The following DUSP16 variants were observed in gnomAD, a reference collection of about 807,000 sequenced individuals.
DUSP16 encodes dual specificity protein phosphatase 16.
A neutral mutation model predicts 58.3 loss-of-function variants in DUSP16; 21 were observed. The observed-to-expected ratio is 0.36, with a 90% CI of 0.26 to 0.52. DUSP16 has a LOEUF of 0.52. DUSP16 is among the 20% of genes least tolerant of loss of function. DUSP16 has a pLI of 0.94. For missense variants in DUSP16, 726 were observed against 819.0 expected (o/e 0.89, Z 1.39); for synonymous variants, 320 against 323.8 (o/e 0.99, Z 0.12).
In DUSP16 at chr12:12,473,568, T is replaced by C. The variant is rs1943356416; in HGVS notation, c.*3265A>G. ...GCCAAGATAGCTCTTCTAGTCTAGC[T>C]CACCCGGCCCAATCTTTCTTATAAA... On this transcript the variant is annotated 3_prime_UTR_variant, in exon 7 of 7. Transcript: ENST00000298573. 6.6e-6 allele frequency among the ~76,000 whole-genome samples: 1 copy of C among 152,206 alleles called. No homozygotes were observed. The highest frequency in any genetic ancestry group is 1.5e-5 in the Non-Finnish European group (1 of 68,042).
At chr12:12,544,446 A>G (rs1022481581) in intron 1 of DUSP16, among the ~76,000 whole-genome samples, 22 of 152,310 alleles carry the variant, frequency 1.4e-4, no homozygotes, top group Admixed American at 2.6e-4. Context: ...TTTGGTGAGC[A>G]TAAGTACACA....
At chr12:12,484,054 T>TGC (rs1943630250) in intron 5 of DUSP16, among the ~76,000 whole-genome samples, 2 of 152,130 alleles carry the variant, frequency 1.3e-5, no homozygotes, top group African/African-American at 4.8e-5. Context: ...AATTAGCTCT[T>TGC]GCCATTCTAC....
At chr12:12,520,843 T>C (rs1420605092) in intron 2 of DUSP16, 28 bp downstream of exon 2, 1 of 1,610,428 alleles carries the variant, frequency 6.2e-7, no homozygotes, top group Admixed American at 1.7e-5. Context: ...TCCATTTATT[T>C]TGAAAAGGCA....
chr12:12,547,245 A>G (rs1390693603), intron 1 of DUSP16, among the ~76,000 whole-genome samples: 2 of 152,052 alleles, frequency 1.3e-5, no homozygotes, highest in South Asian at 4.1e-4. Flanking sequence ...CCTGGCCAAC[A>G]TGGCAAAACC....
intron 4 of DUSP16, among the ~76,000 whole-genome samples, chr12:12,490,134 T>A (rs891115790): frequency 6.6e-6 from 1 of 152,218 alleles, no homozygotes; most frequent in Admixed American, 6.5e-5. Flanking sequence ...TCCAGGCTGC[T>A]CTCAAACTTA....
intron 1 of DUSP16, among the ~76,000 whole-genome samples, chr12:12,525,657 G>C (rs1309595947): frequency 1.3e-5 from 2 of 152,070 alleles, no homozygotes; most frequent in African/African-American, 4.8e-5. Flanking sequence ...AGGATCACTT[G>C]AGTCCAAGAG....
At chr12:12,494,121 T>C (rs1389651133) in intron 4 of DUSP16, among the ~76,000 whole-genome samples, 1 of 152,220 alleles carries the variant, frequency 6.6e-6, no homozygotes, top group East Asian at 1.9e-4. Flanking sequence ...GAAACCTTCA[T>C]ATATGTTCCT....
chr12:12,501,850 CATG>C (rs1269862621), intron 3 of DUSP16, among the ~76,000 whole-genome samples: 2 of 151,950 alleles, frequency 1.3e-5, no homozygotes, highest in Non-Finnish European at 2.9e-5. Context: ...ATTAGCCAGG[CATG>C]GTGGTGGGTG....
At chr12:12,504,698 AAAAAAAAAAAAAAAG>A (rs1943962093) in intron 3 of DUSP16, among the ~76,000 whole-genome samples, 2 of 130,792 alleles carry the variant, frequency 1.5e-5, no homozygotes, top group Admixed American at 7.9e-5. Context: ...TGTTAAAAAA[AAAAAAAAAAAAAAAG>A]AAAGAAAGAA....
At chr12:12,485,819 A>T (rs1182964523) in intron 5 of DUSP16, among the ~76,000 whole-genome samples, 2 of 105,922 alleles carry the variant, frequency 1.9e-5, no homozygotes, top group Non-Finnish European at 1.8e-5. Flanking sequence ...TTGGAGACAG[A>T]GTCTCACTCT....
intron 6 of DUSP16, 75 bp from the exon 7 acceptor site, chr12:12,478,090 G>GAGAT (rs1943492955): frequency 1.6e-6 from 2 of 1,269,446 alleles, no homozygotes; most frequent in Admixed American, 4.6e-5. Context: ...GTGAATAAAT[G>GAGAT]AGATAGGGAA....
At chr12:12,509,067 C>G (rs964761200) in intron 3 of DUSP16, among the ~76,000 whole-genome samples, 5 of 152,148 alleles carry the variant, frequency 3.3e-5, no homozygotes, top group African/African-American at 1.2e-4. Flanking sequence ...CAATACATAA[C>G]TATGCCCAGA....
chr12:12,522,853 C>T (rs996565793), intron 1 of DUSP16, among the ~76,000 whole-genome samples: 2 of 152,106 alleles, frequency 1.3e-5, no homozygotes, highest in African/African-American at 2.4e-5. Context: ...TATGAGCCAC[C>T]GCACCCAGCC....
chr12:12,490,438 A>G (rs1376508313), intron 4 of DUSP16, among the ~76,000 whole-genome samples: 1 of 152,244 alleles, frequency 6.6e-6, no homozygotes, highest in Non-Finnish European at 1.5e-5. Flanking sequence ...TAAATACTTA[A>G]TATAATTTGG....
intron 5 of DUSP16, among the ~76,000 whole-genome samples, chr12:12,484,690 C>T (rs1161526834): frequency 7.9e-5 from 12 of 151,472 alleles, no homozygotes; most frequent in African/African-American, 2.4e-4. Context: ...GGCGTGGTCT[C>T]GGCTCACTGC....
chr12:12,477,866 G>A lies in DUSP16; in HGVS notation c.965C>T (p.Pro322Leu). The A allele has an allele frequency of 6.2e-7, 1 of 1,614,156 alleles. No individual in the cohort carries two copies. The highest frequency in any genetic ancestry group is 8.5e-7 in the Non-Finnish European group (1 of 1,180,042). Residue 322 changes from proline to leucine, a missense_variant, in exon 7 of 7, where the codon CCT becomes CTT. By Grantham distance (98) the Pro-to-Leu change is moderately conservative (BLOSUM62 -3). Coordinates refer to ENST00000298573, the MANE Select transcript of DUSP16 (RefSeq NM_030640.3). The surrounding 1 kb of genome is among the most constrained non-coding windows in gnomAD (Gnocchi z 4.1). The part of the protein sequence containing the change: ...KLLHLEKPNE[P>L]VPAVSEGGQK... Reference sequence around the variant, plus strand: ...TCCACCCTCTGAGACAGCAGGGACAGGTTCATTTGGCTTCTCCAGGTGCAG... The same window carrying A: ...TCCACCCTCTGAGACAGCAGGGACAAGTTCATTTGGCTTCTCCAGGTGCAG...
intron 1 of DUSP16, among the ~76,000 whole-genome samples, chr12:12,537,355 AGCAAT>A: frequency 6.6e-6 from 1 of 152,362 alleles, no homozygotes; most frequent in Non-Finnish European, 1.5e-5. Flanking sequence ...GCCCTATGAC[AGCAAT>A]GCTACAAGGT....
intron 1 of DUSP16, among the ~76,000 whole-genome samples, chr12:12,550,176 G>C (rs539367900): frequency 1.3e-5 from 2 of 152,062 alleles, no homozygotes; most frequent in South Asian, 4.1e-4. Context: ...GGGAGGCTGA[G>C]GTGGGAGAAT....
chr12:12,541,011 G>A (rs1306584128), intron 1 of DUSP16, among the ~76,000 whole-genome samples: 4 of 135,362 alleles, frequency 3.0e-5, no homozygotes, highest in Non-Finnish European at 6.1e-5. Flanking sequence ...AGGCTGGAGT[G>A]CAGTGGTGCT....
Sources: allele counts gnomAD v4.1 joint callset (sites outside exome capture counted in the v4.1 genomes callset), GRCh38; gene constraint gnomAD v4.1.1; non-coding constraint Gnocchi (gnomAD v3.1); transcripts MANE v1.5; gene names NCBI Gene and HGNC (gene_info 2026-07-23, HGNC 2026-07-21).